Variants in LPP observed in about 807,000 individuals in gnomAD.
LPP encodes the protein lipoma-preferred partner.
A neutral mutation model predicts 60.4 loss-of-function variants in LPP; 38 were observed. That is an observed-to-expected ratio of 0.63 (90% CI 0.49 to 0.83). LPP has a LOEUF of 0.83. LPP is among the 40% of genes least tolerant of loss of function. The pLI is 0.00. For synonymous variants in LPP, 328 were observed against 290.8 expected, an observed-to-expected ratio of 1.13 and a Z score of -1.30; for missense variants, 902 against 783.6, an observed-to-expected ratio of 1.15 and a Z score of -1.80.
chr3:188,808,989 A>G (rs1206696600), intron 9 of LPP, among the ~76,000 whole-genome samples: 2 of 152,186 alleles, frequency 1.3e-5, no homozygotes, highest in Non-Finnish European at 2.9e-5. Context: ...AGCTTCATCC[A>G]TGTCACTGCA....
intron 5 of LPP, among the ~76,000 whole-genome samples, chr3:188,485,999 A>T (rs1001765493): frequency 1.3e-5 from 2 of 151,950 alleles, no homozygotes; most frequent in Admixed American, 1.3e-4. Flanking sequence ...ATATTGAATT[A>T]TTGCTCATTA....
At chr3:188,634,763 C>T (rs1038217208) in intron 7 of LPP, among the ~76,000 whole-genome samples, 3 of 152,202 alleles carry the variant, frequency 2.0e-5, no homozygotes, top group African/African-American at 7.2e-5. Context: ...GGAAAACAAG[C>T]TCAGGGCTCC....
At chr3:188,573,931 T>C (rs1356236974) in intron 6 of LPP, among the ~76,000 whole-genome samples, 1 of 152,132 alleles carries the variant, frequency 6.6e-6, no homozygotes, top group Non-Finnish European at 1.5e-5. Context: ...ATTCTTGTAA[T>C]GTAAGGGGGA....
At chr3:188,155,045 G>A (rs1715813197) in intron 1 of LPP, among the ~76,000 whole-genome samples, 1 of 152,152 alleles carries the variant, frequency 6.6e-6, no homozygotes, top group Non-Finnish European at 1.5e-5. Context: ...AGAAGACTAA[G>A]TAGTGTGGGA....
rs561656029 is a variant in LPP, at chr3:188,620,627, G to A, written c.1113+10783G>A. Among the ~76,000 whole-genome samples the A allele has an allele frequency of 2.3e-3, 355 of 152,180 alleles. 1 individual carries two copies. The highest frequency in any genetic ancestry group is 0.017 in the Middle Eastern group (5 of 294). ...AAATAATGCTTCTATCAATATTTGAGTAGACATATGTTTTCAGTTTTCTTG... is the reference window on the plus strand; with the variant it reads ...AAATAATGCTTCTATCAATATTTGAATAGACATATGTTTTCAGTTTTCTTG... On this transcript the variant is annotated intron_variant, in intron 7 of 11. Transcript: ENST00000617246.
intron 2 of LPP, among the ~76,000 whole-genome samples, chr3:188,275,387 C>T (rs1195737068): frequency 2.6e-5 from 4 of 152,052 alleles, no homozygotes; most frequent in Non-Finnish European, 4.4e-5. Context: ...TGAGGTCTCC[C>T]CTCCCTCTGT....
intron 9 of LPP, among the ~76,000 whole-genome samples, chr3:188,862,138 GA>G (rs1455037945): frequency 6.6e-6 from 1 of 152,202 alleles, no homozygotes; most frequent in Admixed American, 6.5e-5. Context: ...GGAAGTATAA[GA>G]AGTATAAGGA....
chr3:188,776,102 T>C (rs1396957583), intron 9 of LPP, among the ~76,000 whole-genome samples: 1 of 152,192 alleles, frequency 6.6e-6, no homozygotes, highest in Non-Finnish European at 1.5e-5. Context: ...CGTGGAGCCC[T>C]GAGGTGAATG....
At chr3:188,509,672 T>C (rs1365300723) in intron 5 of LPP, among the ~76,000 whole-genome samples, 2 of 30,750 alleles carry the variant, frequency 6.5e-5, no homozygotes, top group African/African-American at 1.2e-4. Flanking sequence ...CTTCCTTCCT[T>C]CCTTCCTTCC....
At chr3:188,167,527 A>C (rs1281721028) in intron 1 of LPP, among the ~76,000 whole-genome samples, 1 of 151,140 alleles carries the variant, frequency 6.6e-6, no homozygotes, top group Non-Finnish European at 1.5e-5. Context: ...ACAAAACAAA[A>C]CAAAACAAAA....
chr3:188,165,180 G>A (rs369667659), intron 1 of LPP, among the ~76,000 whole-genome samples: 19 of 152,194 alleles, frequency 1.2e-4, no homozygotes, highest in African/African-American at 3.6e-4. Context: ...AGAGGCTGAG[G>A]CGGGAGGATC....
intron 11 of LPP, among the ~76,000 whole-genome samples, chr3:188,874,050 G>A (rs1768880256): frequency 6.6e-6 from 1 of 151,748 alleles, no homozygotes; most frequent in African/African-American, 2.4e-5. Flanking sequence ...ACTTCTACAT[G>A]GGAGCCAAGA....
intron 9 of LPP, among the ~76,000 whole-genome samples, chr3:188,762,517 T>C (rs1244173446): frequency 3.9e-5 from 6 of 152,180 alleles, no homozygotes; most frequent in Admixed American, 3.3e-4. Flanking sequence ...GTTTGCTTGC[T>C]TTTCTGAGTG....
rs1185360601 is a variant in LPP, at chr3:188,877,168, A to G, written c.*2689A>G. On this transcript the variant is annotated 3_prime_UTR_variant, in exon 12 of 12. Coordinates refer to ENST00000617246, the MANE Select transcript of LPP (RefSeq NM_001375462.1). ...TATATTACTGTCTTTTCTATTAATC[A>G]TTTGATTTAAACAATGCCAAGTCAC... 1 of 174,622 alleles carries G rather than the reference A, an allele frequency of 5.7e-6. No homozygotes were observed. Among genetic ancestry groups the G allele is most frequent in the Non-Finnish European group, 1.2e-5 (1 of 80,934 alleles). 10.8% of individuals were successfully genotyped at this position (174,622 alleles called of 1,614,324 possible). A position where few individuals can be genotyped will look rare whatever the true frequency, so the allele number is the denominator to read the frequency against.
chr3:188,579,835 T>C (rs2150965892), intron 6 of LPP, among the ~76,000 whole-genome samples: 1 of 124,136 alleles, frequency 8.1e-6, no homozygotes, highest in Admixed American at 1.0e-4. Flanking sequence ...CCAGGCATGA[T>C]GGCATGCACT....
intron 8 of LPP, among the ~76,000 whole-genome samples, chr3:188,729,247 A>C (rs2150007856): frequency 6.6e-6 from 1 of 152,352 alleles, no homozygotes; most frequent in Non-Finnish European, 1.5e-5. Flanking sequence ...GGCTGAAGCC[A>C]CATTGAGTTG....
At chr3:188,638,145 A>G (rs1038265989) in intron 7 of LPP, among the ~76,000 whole-genome samples, 1 of 134,250 alleles carries the variant, frequency 7.4e-6, no homozygotes. Flanking sequence ...ATCCAGCAGC[A>G]CATCAAAAAA....
intron 7 of LPP, among the ~76,000 whole-genome samples, chr3:188,691,173 A>T (rs1862046093): frequency 6.6e-6 from 1 of 152,264 alleles, no homozygotes; most frequent in African/African-American, 2.4e-5. Context: ...AACTTTATTC[A>T]TTTTTAGTTA....
intron 2 of LPP, among the ~76,000 whole-genome samples, chr3:188,258,489 A>C (rs988277891): frequency 6.6e-6 from 1 of 152,044 alleles, no homozygotes; most frequent in Non-Finnish European, 1.5e-5. Flanking sequence ...CGCCTGGCTA[A>C]TTCGTATATT....
Sources: gnomAD v4.1 joint callset for allele counts (sites outside exome capture counted in the v4.1 genomes callset) on GRCh38, gnomAD v4.1.1 for gene constraint, MANE v1.5 for transcripts, NCBI Gene and HGNC (gene_info 2026-07-23, HGNC 2026-07-21) for gene names.